GGCT: variants seen among roughly 807,000 people sequenced by gnomAD.
GGCT encodes the protein cytochrome c-releasing factor 21.
GGCT carries 20 observed loss-of-function variants against 22.1 expected under a neutral mutation model. The observed-to-expected ratio is 0.91, with a 90% CI of 0.64 to 1.32. The LOEUF (loss-of-function observed/expected upper bound fraction) is 1.32, where lower values mean the gene tolerates loss of function less well. Among genes scored for constraint, GGCT ranks in the 40% most tolerant of loss-of-function variants. GGCT has a pLI of 0.00. For synonymous variants in GGCT, 72 were observed against 78.4 expected, an observed-to-expected ratio of 0.92 and a Z score of 0.43; for missense variants, 209 against 223.5, an observed-to-expected ratio of 0.94 and a Z score of 0.41.
At chr7:30,503,829 T>C (rs1044857426) in intron 1 of GGCT, among the ~76,000 whole-genome samples, 1 of 148,818 alleles carries the variant, frequency 6.7e-6, no homozygotes, top group Non-Finnish European at 1.5e-5. Flanking sequence ...CCAGTTTCTG[T>C]TGCTTGCAAC....
intron 3 of GGCT, chr7:30,497,601 C>T (rs147780244): frequency 0.027 from 12,334 of 452,748 alleles, 215 homozygotes; most frequent in Non-Finnish European, 0.032. Context: ...GTTACAACGC[C>T]AGAGGTTACC....
intron 3 of GGCT, among the ~76,000 whole-genome samples, chr7:30,498,264 A>C (rs4720007): frequency 0.55 from 82,295 of 150,976 alleles, 24,749 homozygotes; most frequent in Non-Finnish European, 0.68. Flanking sequence ...TATTTCTAAA[A>C]ATTTTTTTAA....
intron 3 of GGCT, among the ~76,000 whole-genome samples, 188 bp downstream of exon 3, chr7:30,498,615 C>T (rs1049326562): frequency 3.9e-5 from 6 of 152,148 alleles, no homozygotes; most frequent in African/African-American, 1.4e-4. Context: ...GATGAGGTTT[C>T]ACCACGTTGG....
At chr7:30,504,499 G>A (rs1789781673) in intron 1 of GGCT, 70 bp downstream of exon 1, 3 of 1,563,204 alleles carry the variant, frequency 1.9e-6, no homozygotes, top group Non-Finnish European at 2.6e-6. Flanking sequence ...GATCGGCCAC[G>A]TGTGCCCCCG....
At position 30,504,794 on chromosome 7, in the gene GGCT, G is replaced by C. The variant is rs1489758200; in HGVS notation, c.-85C>G. The C allele has an allele frequency of 2.8e-5, 38 of 1,372,426 alleles. No homozygotes were observed. The highest frequency in any genetic ancestry group is 3.8e-5 in the Non-Finnish European group (37 of 972,640). 85.0% of individuals were successfully genotyped at this position (1,372,426 alleles called of 1,614,324 possible). On this transcript the variant is annotated 5_prime_UTR_variant, in exon 1 of 4. Transcript: ENST00000275428. ...CAACACTGGGGCCCACTACCCCGGC[G>C]CAGTGACCGCCGCGCGGCAGCCTCA...
chr7:30,497,033 A>C lies in GGCT; in HGVS notation c.*59T>G. 8.8e-7 allele frequency: 1 copy of C among 1,142,020 alleles called. No individual in the cohort carries two copies. 70.7% of individuals were successfully genotyped at this position (1,142,020 alleles called of 1,614,324 possible). A position where few individuals can be genotyped will look rare whatever the true frequency, so the allele number is the denominator to read the frequency against. On this transcript the variant is annotated 3_prime_UTR_variant, in exon 4 of 4. Transcript: ENST00000275428. ...GAGATCCCCCAGATCCCTGTTCTCA[A>C]GTGTTAAAAATATTTTATATTAGCA...
In GGCT at chr7:30,498,798, C is replaced by A. The variant is rs746068169; in HGVS notation, c.423+5G>T. The stretch of plus-strand genomic sequence containing the variant: ...GTAATCACCACCAGTCTGTAAATAG[C>A]TTACCTTTTTATACTGTGGGGATGG... On this transcript the variant is annotated splice_donor_5th_base_variant and intron_variant, in intron 3 of 3. Transcript: ENST00000275428. 7 of 1,609,750 alleles carry A rather than the reference C, an allele frequency of 4.3e-6. No individual in the cohort carries two copies. The highest frequency in any genetic ancestry group is 1.7e-5 in the Admixed American group (1 of 59,864).
chr7:30,503,719 C>T (rs1789755615), intron 1 of GGCT, among the ~76,000 whole-genome samples: 2 of 150,388 alleles, frequency 1.3e-5, no homozygotes, highest in South Asian at 4.2e-4. Context: ...TCCGTTTTGT[C>T]AGCTTTGTAC....
chr7:30,504,506 C>T, intron 1 of GGCT, 63 bp downstream of exon 1: 1 of 1,590,402 alleles, frequency 6.3e-7, no homozygotes, highest in African/African-American at 1.3e-5. Context: ...CACGTGTGCC[C>T]CCGAGGAAGC....
intron 3 of GGCT, 138 bp downstream of exon 3, chr7:30,498,665 C>T (rs1017867216): frequency 3.3e-5 from 24 of 736,866 alleles, no homozygotes; most frequent in East Asian, 2.5e-4. Context: ...GTGATCTGCC[C>T]GCCCCAGCCT....
chr7:30,497,227 G>T lies in GGCT; in HGVS notation c.432C>A (p.Cys144Ter). Residue 144 changes from cysteine to a stop codon, truncating the protein, a stop_gained, in exon 4 of 4, where the codon TGC (cysteine) becomes TGA (stop). Transcript: ENST00000275428. LOFTEE classifies it high-confidence loss of function. ...GCAAACCATTTTCTTTTGCACCCAT[G>T]CAAATAATCTGGAAATGGTTAAAAC... ...PPSPQYKKIICMGAKENGLPL... is the reference protein window; with the variant it reads ...PPSPQYKKII 1 of 1,597,890 alleles carries T rather than the reference G, an allele frequency of 6.3e-7. No homozygotes were observed. The highest frequency in any genetic ancestry group is 8.5e-7 in the Non-Finnish European group (1 of 1,174,738).
intron 3 of GGCT, 102 bp from the exon 4 acceptor site, chr7:30,497,337 AT>A: frequency 1.3e-6 from 1 of 763,940 alleles, no homozygotes; most frequent in Non-Finnish European, 2.1e-6. Flanking sequence ...AGTATGAAGT[AT>A]TAGCTTTCAG....
In GGCT at chr7:30,498,855, C is replaced by T; in HGVS notation, c.371G>A (p.Ser124Asn). 2 of 1,613,172 alleles carry T rather than the reference C, an allele frequency of 1.2e-6. No homozygotes were observed. The highest frequency in any genetic ancestry group is 1.7e-6 in the Non-Finnish European group (2 of 1,179,124). Reference sequence around the variant, plus strand: ...ACTTTCGTAATTTGTCATCAGATAACTTCGACAGGTTATTTCTTTTCCTTC... The same window carrying T: ...ACTTTCGTAATTTGTCATCAGATAATTTCGACAGGTTATTTCTTTTCCTTC... ...TQEGKEITCRSYLMTNYESAP... is the reference protein window; with the variant it reads ...TQEGKEITCRNYLMTNYESAP... The change falls in exon 3 of 4, where the codon AGT becomes AAT. Residue 124 changes from serine to asparagine, a missense_variant. Transcript: ENST00000275428.
intron 3 of GGCT, chr7:30,497,808 T>G: frequency 1.4e-6 from 2 of 1,463,302 alleles, no homozygotes; most frequent in South Asian, 2.8e-5. Context: ...TGAACAGGAA[T>G]TTTGGGGTCT....
intron 2 of GGCT, 164 bp from the exon 3 acceptor site, chr7:30,499,102 A>G (rs1789633640): frequency 4.2e-6 from 3 of 722,812 alleles, no homozygotes; most frequent in Non-Finnish European, 7.4e-6. Context: ...ATATAAATTT[A>G]CCACATCAAA....
intron 3 of GGCT, chr7:30,497,901 G>A (rs1789592785): frequency 2.2e-6 from 3 of 1,387,898 alleles, no homozygotes; most frequent in East Asian, 5.5e-5. Flanking sequence ...CTCCACCTAG[G>A]GATGAAAAAC....
In GGCT at chr7:30,501,203, A is replaced by G. The variant is rs1441792816; in HGVS notation, c.142-522T>C. ...ATGAACACTAATACTCACGAATTAT[A>G]CTAATTTATCTACAATAATCATAAG... On this transcript the variant is annotated intron_variant, in intron 1 of 3. Transcript: ENST00000275428. 2.0e-5 allele frequency among the ~76,000 whole-genome samples: 3 copies of G among 152,216 alleles called. No homozygotes were observed. The South Asian group carries it at 6.2e-4, about 31-fold the overall frequency.
At position 30,504,817 on chromosome 7, in the gene GGCT, T is replaced by G; in HGVS notation, c.-108A>C. On this transcript the variant is annotated 5_prime_UTR_variant, in exon 1 of 4. Coordinates refer to ENST00000275428, the MANE Select transcript of GGCT (RefSeq NM_024051.4). ...GCGCAGTGACCGCCGCGCGGCAGCC[T>G]CAGGGTTAGGGGACTGGCGGGAAGC... The G allele has an allele frequency of 8.5e-7, 1 of 1,173,204 alleles. No individual in the cohort carries two copies. The allele number at this position is 1,173,204 out of a possible 1,614,324, so 72.7% of individuals were successfully genotyped here. A position where few individuals can be genotyped will look rare whatever the true frequency, so the allele number is the denominator to read the frequency against.
At chr7:30,504,047 T>G (rs1322812126) in intron 1 of GGCT, among the ~76,000 whole-genome samples, 3 of 152,192 alleles carry the variant, frequency 2.0e-5, no homozygotes, top group Non-Finnish European at 4.4e-5. Flanking sequence ...AGCAATGATT[T>G]ACCAACACTG....
Sources: allele counts gnomAD v4.1 joint callset (sites outside exome capture counted in the v4.1 genomes callset), GRCh38; gene constraint gnomAD v4.1.1; transcripts MANE v1.5; gene names NCBI Gene and HGNC (gene_info 2026-07-23, HGNC 2026-07-21).